UBE3A: variants seen among roughly 807,000 people sequenced by gnomAD.
The protein encoded by UBE3A is ubiquitin protein ligase E3A, also known as ubiquitin-protein ligase E3A.
UBE3A carries 6 observed loss-of-function variants against 83.4 expected under a neutral mutation model. The observed-to-expected ratio is 0.07, with a 90% CI of 0.04 to 0.14. The LOEUF is 0.14. Ranked by LOEUF, UBE3A falls within the 10% of genes least tolerant of loss-of-function variation. The probability of loss-of-function intolerance (pLI) is 1.00; values close to 1 mark genes in which losing one functional copy is unlikely to be tolerated. For missense variants in UBE3A, 456 were observed against 1,036.1 expected (o/e 0.44, Z 7.69); for synonymous variants, 337 against 355.4 (o/e 0.95, Z 0.58).
chr15:25,358,275 T>C lies in UBE3A; in HGVS notation c.1754-1379A>G, dbSNP rs563532611. ...TAGTCTCAGCTACTTGAGAGGGTGA[T>C]GCATGGGGATGGTTTGAGTCTTCAG... On this transcript the variant is annotated intron_variant, in intron 7 of 12. Transcript: ENST00000648336. Among the ~76,000 whole-genome samples, 46 of 152,014 alleles carry C rather than the reference T, an allele frequency of 3.0e-4. No homozygotes were observed. The South Asian group carries it at 6.8e-3, about 23-fold the overall frequency.
intron 5 of UBE3A, chr15:25,375,257 C>A (rs2081019602): frequency 1.7e-6 from 1 of 593,286 alleles, no homozygotes; most frequent in African/African-American, 1.9e-5. Context: ...AACAAATGAA[C>A]TTTTGGCATA....
intron 4 of UBE3A, chr15:25,391,682 G>A (rs1414645409): frequency 6.6e-6 from 1 of 152,164 alleles, no homozygotes; most frequent in Non-Finnish European, 1.5e-5. Context: ...ATTGTAGCTG[G>A]AAGACAGTAG....
At chr15:25,375,343 T>C (rs1373767280) in intron 5 of UBE3A, 122 bp downstream of exon 5, 8 of 1,156,224 alleles carry the variant, frequency 6.9e-6, no homozygotes, top group African/African-American at 1.6e-5. Context: ...CAATAAAAAA[T>C]TGGTTCTACG....
chr15:25,427,180 T>C (rs998048055), intron 1 of UBE3A, among the ~76,000 whole-genome samples: 2 of 151,948 alleles, frequency 1.3e-5, no homozygotes, highest in Non-Finnish European at 2.9e-5. Flanking sequence ...AAAAAAAGAA[T>C]GACAGATGAT....
chr15:25,379,956 T>C (rs2081903474), intron 4 of UBE3A, among the ~76,000 whole-genome samples: 1 of 152,192 alleles, frequency 6.6e-6, no homozygotes, highest in African/African-American at 2.4e-5. Context: ...TGATAATGCT[T>C]TGGCTCTGTG....
chr15:25,355,853 T>G, intron 9 of UBE3A, 39 bp downstream of exon 9: 1 of 1,579,808 alleles, frequency 6.3e-7, no homozygotes, highest in Non-Finnish European at 8.7e-7. Flanking sequence ...TTGAAAGTGT[T>G]AATGAAGAGA....
chr15:25,434,853 C>T (rs1894534188), intron 1 of UBE3A, among the ~76,000 whole-genome samples: 1 of 152,112 alleles, frequency 6.6e-6, no homozygotes, highest in East Asian at 1.9e-4. Context: ...CATAGACAAT[C>T]CTACTCAGGT....
In UBE3A at chr15:25,371,160, C is replaced by T. The variant is rs779092156; in HGVS notation, c.1014G>A (p.Glu338=). ...TATAAGTAATAAGTTGCTGAAATGT[C>T]TCCATCATTCTCCGAATCTGGTCTG... The part of the protein sequence containing the change: ...YNADQIRRMM[E]TFQQLITYKV... The change falls in exon 6 of 13, where the codon GAG becomes GAA. Residue 338 remains glutamate, a synonymous_variant. Coordinates refer to ENST00000648336, the MANE Select transcript of UBE3A (RefSeq NM_130839.5). The surrounding 1 kb of genome is among the most constrained non-coding windows in gnomAD (Gnocchi z 5.3). 3 of 1,614,136 alleles carry T rather than the reference C, an allele frequency of 1.9e-6. No homozygotes were observed. Among genetic ancestry groups the T allele is most frequent in the Non-Finnish European group, 2.5e-6 (3 of 1,180,026 alleles).
At chr15:25,362,325 CCACA>C (rs1363360796) in intron 6 of UBE3A, among the ~76,000 whole-genome samples, 1 of 152,120 alleles carries the variant, frequency 6.6e-6, no homozygotes, top group Non-Finnish European at 1.5e-5. Flanking sequence ...CATTTTTAGG[CCACA>C]CAGTTTACTT....
chr15:25,392,788 C>A (rs1236079792), intron 4 of UBE3A, among the ~76,000 whole-genome samples: 1 of 152,028 alleles, frequency 6.6e-6, no homozygotes, highest in Admixed American at 6.5e-5. Flanking sequence ...CCAAGCACTT[C>A]AAGAGCCTAA....
intron 1 of UBE3A, among the ~76,000 whole-genome samples, chr15:25,430,344 T>C (rs1893081602): frequency 7.9e-6 from 1 of 126,468 alleles, no homozygotes; most frequent in Non-Finnish European, 1.6e-5. Flanking sequence ...AATACATATA[T>C]ATAAGATAAA....
Position 25,370,317 on chromosome 15 carries a change from T to C in UBE3A, c.1608+249A>G, listed in dbSNP as rs2152818038. ...ATGAAAGAAACTTTGGATTTAGTTT[T>C]CAAGATTTAGAAAACCCATTCTTTT... On this transcript the variant is annotated intron_variant, in intron 6 of 12. Coordinates refer to ENST00000648336, the MANE Select transcript of UBE3A (RefSeq NM_130839.5). This position sits in a 1 kb window ranked among gnomAD's most constrained non-coding sequence, Gnocchi z 4.2. 6.6e-6 allele frequency among the ~76,000 whole-genome samples: 1 copy of C among 152,344 alleles called. No homozygotes were observed. Among genetic ancestry groups the C allele is most frequent in the Non-Finnish European group, 1.5e-5 (1 of 68,034 alleles).
At chr15:25,389,743 C>T (rs897900442) in intron 4 of UBE3A, among the ~76,000 whole-genome samples, 8 of 152,066 alleles carry the variant, frequency 5.3e-5, no homozygotes, top group Non-Finnish European at 7.4e-5. Flanking sequence ...CAAAAATTAG[C>T]CAGGTGTGGT....
At chr15:25,427,621 A>C (rs1472866886) in intron 1 of UBE3A, among the ~76,000 whole-genome samples, 1 of 148,112 alleles carries the variant, frequency 6.8e-6, no homozygotes, top group African/African-American at 2.5e-5. Context: ...AAAAAAAAAA[A>C]AAAAAAAAAA....
chr15:25,377,769 AC>A (rs893300321), intron 4 of UBE3A, among the ~76,000 whole-genome samples: 2 of 152,208 alleles, frequency 1.3e-5, no homozygotes, highest in Non-Finnish European at 2.9e-5. Context: ...TCTGAAAAAA[AC>A]ATGTCTAATA....
chr15:25,407,055 T>C (rs1305065620), intron 3 of UBE3A: 3 of 1,343,408 alleles, frequency 2.2e-6, no homozygotes, highest in Middle Eastern at 2.1e-4. Context: ...GCAAATCACC[T>C]ATGTGACACA....
intron 11 of UBE3A, among the ~76,000 whole-genome samples, chr15:25,347,795 G>A (rs1402846978): frequency 6.6e-6 from 1 of 151,960 alleles, no homozygotes; most frequent in Non-Finnish European, 1.5e-5. Flanking sequence ...ATCATGGAAG[G>A]CAATAAATAA....
chr15:25,361,383 C>T (rs1400543462), intron 6 of UBE3A, among the ~76,000 whole-genome samples: 1 of 152,134 alleles, frequency 6.6e-6, no homozygotes, highest in Non-Finnish European at 1.5e-5. Context: ...CTCAGCCTCT[C>T]AAAGTGCTGG....
At chr15:25,354,776 GA>G (rs562275288) in intron 9 of UBE3A, 93 bp from the exon 10 acceptor site, 2 of 1,183,088 alleles carry the variant, frequency 1.7e-6, no homozygotes, top group East Asian at 2.5e-5. Context: ...ATTTTTCCAA[GA>G]AAAAAACATT....
Sources: gnomAD v4.1 joint callset for allele counts (sites outside exome capture counted in the v4.1 genomes callset) on GRCh38, gnomAD v4.1.1 for gene constraint, Gnocchi (gnomAD v3.1) non-coding constraint, MANE v1.5 for transcripts, NCBI Gene and HGNC (gene_info 2026-07-23, HGNC 2026-07-21) for gene names.